The following IRS1 variants were observed in gnomAD, a reference collection of about 807,000 sequenced individuals.
The protein encoded by IRS1 is insulin receptor substrate 1.
A neutral mutation model predicts 65.6 loss-of-function variants in IRS1; 34 were observed. The ratio of observed to expected loss-of-function variants is 0.52; its 90% confidence interval spans 0.39 to 0.69. The LOEUF is 0.69. IRS1 is among the 30% of genes least tolerant of loss of function. IRS1 has a pLI of 0.00. For synonymous variants in IRS1, 699 were observed against 683.5 expected (o/e 1.02, Z -0.35); for missense variants, 1,641 against 1,720.2 (o/e 0.95, Z 0.81).
chr2:226,760,184 A>G (rs992018943), intron 1 of IRS1, among the ~76,000 whole-genome samples: 2 of 152,316 alleles, frequency 1.3e-5, no homozygotes, highest in Admixed American at 6.5e-5. Flanking sequence ...CAGAAAAAAA[A>G]TAATAATAAT....
intron 1 of IRS1, among the ~76,000 whole-genome samples, chr2:226,780,079 C>A (rs547447590): frequency 6.6e-6 from 1 of 152,334 alleles, no homozygotes; most frequent in East Asian, 1.9e-4. Context: ...CACAAACTTT[C>A]TAACTGACCT....
At chr2:226,760,133 C>CT (rs1229373631) in intron 1 of IRS1, among the ~76,000 whole-genome samples, 1 of 152,076 alleles carries the variant, frequency 6.6e-6, no homozygotes, top group Non-Finnish European at 1.5e-5. Flanking sequence ...CGTGATTGTG[C>CT]TACTGCACTC....
At chr2:226,760,191 T>C (rs914371216) in intron 1 of IRS1, among the ~76,000 whole-genome samples, 1 of 152,098 alleles carries the variant, frequency 6.6e-6, no homozygotes, top group Non-Finnish European at 1.5e-5. Context: ...AAAATAATAA[T>C]AATAATGCAT....
At position 226,799,239 on chromosome 2, in the gene IRS1, A is replaced by C. The variant is rs983709168; in HGVS notation, c.-501T>G. 3.6e-6 allele frequency: 4 copies of C among 1,118,572 alleles called. No individual in the cohort carries two copies. The highest frequency in any genetic ancestry group is 4.5e-6 in the Non-Finnish European group (4 of 897,710). 69.3% of individuals were successfully genotyped at this position (1,118,572 alleles called of 1,614,324 possible). ...TTGGGCAGGGGGAGGCGGGTTGCCA[A>C]GTCCCAACGTTGCACGGGGTTCTCC... On this transcript the variant is annotated 5_prime_UTR_variant, in exon 1 of 2. Transcript: ENST00000305123. The surrounding 1 kb of genome is among the most constrained non-coding windows in gnomAD (Gnocchi z 6.1).
chr2:226,798,499 G>A lies in IRS1; in HGVS notation c.240C>T (p.Asn80=). The A allele has an allele frequency of 6.2e-7, 1 of 1,614,126 alleles. No individual in the cohort carries two copies. Residue 80 remains asparagine, a synonymous_variant, in exon 1 of 2, where the codon AAC becomes AAT. Transcript: ENST00000305123. This position sits in a 1 kb window ranked among gnomAD's most constrained non-coding sequence, Gnocchi z 9.4. ...GGGTGTAGAGAGCCACCAGGTGCTTGTTCTTGGAGTCAGCCCGCTTGTTGA... is the reference window on the plus strand; with the variant it reads ...GGGTGTAGAGAGCCACCAGGTGCTTATTCTTGGAGTCAGCCCGCTTGTTGA... The part of the protein sequence containing the change: ...FNINKRADSK[N]KHLVALYTRD...
chr2:226,776,889 C>T (rs1288311215), intron 1 of IRS1, among the ~76,000 whole-genome samples: 1 of 152,150 alleles, frequency 6.6e-6, no homozygotes, highest in East Asian at 1.9e-4. Context: ...CTGGGCAACA[C>T]AGTGAGACTC....
At chr2:226,783,738 C>A (rs1029291910) in intron 1 of IRS1, among the ~76,000 whole-genome samples, 1 of 151,976 alleles carries the variant, frequency 6.6e-6, no homozygotes, top group Non-Finnish European at 1.5e-5. Context: ...CACAGTAAGT[C>A]AAAAAATACA....
At position 226,797,861 on chromosome 2, in the gene IRS1, G is replaced by C; in HGVS notation, c.878C>G (p.Pro293Arg). ...GCGGGTCAGCCCCACCTGGCTGGGC[G>C]GGGGATTGTTGAGATGGTGCCGGCG... ...PLRRHHLNNP[P>R]PSQVGLTRRS... The change falls in exon 1 of 2, where the codon CCG (proline) becomes CGG (arginine). Residue 293 changes from proline (P) to arginine (R), a missense_variant. Coordinates refer to ENST00000305123, the MANE Select transcript of IRS1 (RefSeq NM_005544.3). The surrounding 1 kb of genome is among the most constrained non-coding windows in gnomAD (Gnocchi z 8.1). 1 of 1,603,166 alleles carries C rather than the reference G, an allele frequency of 6.2e-7. No individual in the cohort carries two copies. Among genetic ancestry groups the C allele is most frequent in the East Asian group, 2.2e-5 (1 of 44,784 alleles).
intron 1 of IRS1, among the ~76,000 whole-genome samples, chr2:226,777,980 CTCA>C (rs1939306677): frequency 6.6e-6 from 1 of 152,082 alleles, no homozygotes; most frequent in Non-Finnish European, 1.5e-5. Flanking sequence ...TTAGAATTGT[CTCA>C]TCAATTATAA....
Position 226,798,802 on chromosome 2 carries a change from G to A in IRS1, c.-64C>T. ...TCCGAAAAACAACCGGGTGGGGGGC[G>A]GAGGCTCCTCGCCGCGGCCCGGCAC... is the stretch of plus-strand genomic sequence containing the variant. On this transcript the variant is annotated 5_prime_UTR_variant, in exon 1 of 2. Transcript: ENST00000305123. The surrounding 1 kb of genome is among the most constrained non-coding windows in gnomAD (Gnocchi z 9.4). The A allele has an allele frequency of 3.2e-6, 5 of 1,563,430 alleles. No individual in the cohort carries two copies. In the South Asian group the frequency reaches 3.5e-5, roughly 11 times the overall value.
chr2:226,760,745 CATTTT>C (rs1419742200), intron 1 of IRS1, among the ~76,000 whole-genome samples: 1 of 152,198 alleles, frequency 6.6e-6, no homozygotes, highest in East Asian at 1.9e-4. Context: ...CTCTTCTACC[CATTTT>C]CAGATGATGC....
At position 226,731,695 on chromosome 2, in the gene IRS1, C is replaced by T. The variant is rs943456370; in HGVS notation, c.*4577G>A. 1 of 152,136 alleles carries T rather than the reference C, an allele frequency of 6.6e-6. No homozygotes were observed. The highest frequency in any genetic ancestry group is 1.5e-5 in the Non-Finnish European group (1 of 68,022). The allele number at this position is 152,136 out of a possible 1,614,324, so 9.4% of individuals were successfully genotyped here. On this transcript the variant is annotated 3_prime_UTR_variant, in exon 2 of 2. Coordinates refer to ENST00000305123, the MANE Select transcript of IRS1 (RefSeq NM_005544.3). ...AGCACCACCATCTTAAGATGATAAA[C>T]CAAACTGCACATACATTAAATGAAA... is the stretch of plus-strand genomic sequence containing the variant.
In IRS1 at chr2:226,784,362, A is replaced by T. The variant is rs906057617; in HGVS notation, c.*21+10627T>A. 1.1e-4 allele frequency among the ~76,000 whole-genome samples: 17 copies of T among 152,208 alleles called. 1 individual carries two copies. The highest frequency in any genetic ancestry group is 2.9e-5 in the Non-Finnish European group (2 of 68,046). On this transcript the variant is annotated intron_variant, in intron 1 of 1. Coordinates refer to ENST00000305123, the MANE Select transcript of IRS1 (RefSeq NM_005544.3). ...TATACTCTTATTGGTAAGTCACCAAAAAAACGATCAAACACTGACGATTCT... is the reference window on the plus strand; with the variant it reads ...TATACTCTTATTGGTAAGTCACCAATAAAACGATCAAACACTGACGATTCT...
Position 226,794,907 on chromosome 2 carries a change from G to T in IRS1, c.*21+82C>A. On this transcript the variant is annotated intron_variant, in intron 1 of 1. Transcript: ENST00000305123. This position sits in a 1 kb window ranked among gnomAD's most constrained non-coding sequence, Gnocchi z 4.1. The stretch of plus-strand genomic sequence containing the variant: ...CTGAGGAAGCAGTGGGAAAGAACAG[G>T]AAGGGGCAGAGGCGAAGAACAGAAT... 1 of 1,229,554 alleles carries T rather than the reference G, an allele frequency of 8.1e-7. No homozygotes were observed. 76.2% of individuals were successfully genotyped at this position (1,229,554 alleles called of 1,614,324 possible). A position where few individuals can be genotyped will look rare whatever the true frequency, so the allele number is the denominator to read the frequency against.
At chr2:226,745,595 C>G (rs1183757878) in intron 1 of IRS1, among the ~76,000 whole-genome samples, 1 of 152,188 alleles carries the variant, frequency 6.6e-6, no homozygotes, top group Non-Finnish European at 1.5e-5. Flanking sequence ...GTCTGTAACA[C>G]AGGAGAGCAT....
intron 1 of IRS1, among the ~76,000 whole-genome samples, chr2:226,774,462 G>C (rs1417617248): frequency 6.6e-6 from 1 of 152,150 alleles, no homozygotes; most frequent in Non-Finnish European, 1.5e-5. Context: ...TGTCCAGTGT[G>C]GAGTTGGTTT....
intron 1 of IRS1, chr2:226,792,109 G>A (rs1458421063): frequency 6.6e-6 from 1 of 152,206 alleles, no homozygotes; most frequent in Non-Finnish European, 1.5e-5. Flanking sequence ...GAATGAAAAA[G>A]AAATGGAAAG....
chr2:226,781,734 G>A (rs1032565955), intron 1 of IRS1, among the ~76,000 whole-genome samples: 7 of 152,116 alleles, frequency 4.6e-5, no homozygotes, highest in Admixed American at 1.3e-4. Context: ...TCTGAAGGTC[G>A]GCCTCTGTAG....
chr2:226,796,591 G>A lies in IRS1; in HGVS notation c.2148C>T (p.Pro716=), dbSNP rs777672247. The change falls in exon 1 of 2, where the codon CCC becomes CCT. Residue 716 remains proline, a synonymous_variant. Coordinates refer to ENST00000305123, the MANE Select transcript of IRS1 (RefSeq NM_005544.3). Reference sequence around the variant, plus strand: ...GCTTACCACCGCTGCTCTCCACTGGGGGTTTGGGGTGAGGCAAGACATGAG... The same window carrying A: ...GCTTACCACCGCTGCTCTCCACTGGAGGTTTGGGGTGAGGCAAGACATGAG... ...HHSHVLPHPK[P]PVESSGGKLL... 2 of 1,614,070 alleles carry A rather than the reference G, an allele frequency of 1.2e-6. No individual in the cohort carries two copies. Among genetic ancestry groups the A allele is most frequent in the Non-Finnish European group, 1.7e-6 (2 of 1,179,982 alleles).
Sources: gnomAD v4.1 joint callset for allele counts (sites outside exome capture counted in the v4.1 genomes callset) on GRCh38, gnomAD v4.1.1 for gene constraint, Gnocchi (gnomAD v3.1) non-coding constraint, MANE v1.5 for transcripts, NCBI Gene and HGNC (gene_info 2026-07-23, HGNC 2026-07-21) for gene names.